The following HPSE2 variants were observed in gnomAD, a reference collection of about 807,000 sequenced individuals.
HPSE2 encodes heparanase 2 (inactive).
In HPSE2, 38 loss-of-function variants were observed where a neutral mutation model predicts 60.5. The ratio of observed to expected loss-of-function variants is 0.63; its 90% CI spans 0.48 to 0.82. The LOEUF (loss-of-function observed/expected upper bound fraction) is 0.82, where lower values mean the gene tolerates loss of function less well. Ranked by LOEUF, HPSE2 falls within the 40% of genes least tolerant of loss-of-function variation. The pLI, the probability that HPSE2 is intolerant of heterozygous loss-of-function variation, is 0.00. For synonymous variants in HPSE2, 295 were observed against 293.2 expected (o/e 1.01, Z -0.06); for missense variants, 713 against 740.4 (o/e 0.96, Z 0.43).
chr10:99,075,745 C>A (rs1842932899), intron 3 of HPSE2, among the ~76,000 whole-genome samples: 1 of 152,044 alleles, frequency 6.6e-6, no homozygotes, highest in Non-Finnish European at 1.5e-5. Context: ...CTTATATCTT[C>A]TTGGTGAATT....
chr10:99,074,577 C>T (rs1400505490), intron 3 of HPSE2, among the ~76,000 whole-genome samples: 3 of 152,034 alleles, frequency 2.0e-5, no homozygotes, highest in Non-Finnish European at 4.4e-5. Flanking sequence ...CATAAATGGA[C>T]TTGGAAGTGT....
intron 3 of HPSE2, among the ~76,000 whole-genome samples, chr10:99,085,819 T>C (rs554589663): frequency 6.6e-6 from 1 of 152,326 alleles, no homozygotes; most frequent in African/African-American, 2.4e-5. Context: ...TCAACTATTT[T>C]ATCTCCACTA....
chr10:98,527,460 C>T (rs1052950625), intron 9 of HPSE2, among the ~76,000 whole-genome samples: 3 of 151,774 alleles, frequency 2.0e-5, no homozygotes, highest in African/African-American at 4.8e-5. Context: ...CCCTCTGGAC[C>T]CTCTCCCTTC....
At chr10:98,595,907 T>C (rs1293118301) in intron 9 of HPSE2, among the ~76,000 whole-genome samples, 2 of 152,348 alleles carry the variant, frequency 1.3e-5, no homozygotes, top group Middle Eastern at 3.4e-3. Context: ...GTTTTCATCA[T>C]GAAACAATGT....
At chr10:98,566,830 T>TACTTCCA (rs909094762) in intron 9 of HPSE2, among the ~76,000 whole-genome samples, 74 of 152,226 alleles carry the variant, frequency 4.9e-4, no homozygotes, top group African/African-American at 1.7e-3. Flanking sequence ...GTGACTTAGT[T>TACTTCCA]CCTGTCACTC....
intron 3 of HPSE2, among the ~76,000 whole-genome samples, chr10:98,918,066 G>A (rs1458925524): frequency 6.6e-6 from 1 of 152,140 alleles, no homozygotes; most frequent in African/African-American, 2.4e-5. Flanking sequence ...AAAATGTGTT[G>A]ACCCAGTAGT....
rs563011310 is a variant in HPSE2, at chr10:98,946,686, C to T, written c.610+197552G>A. On this transcript the variant is annotated intron_variant, in intron 3 of 11. Coordinates refer to ENST00000370552, the MANE Select transcript of HPSE2 (RefSeq NM_021828.5). Reference sequence around the variant, plus strand: ...TTGTTAAAAAAAGTATGCACACAAACACTTATAAACTATAAATGGCACCAT... The same window carrying T: ...TTGTTAAAAAAAGTATGCACACAAATACTTATAAACTATAAATGGCACCAT... Among the ~76,000 whole-genome samples, 110 of 152,058 alleles carry T rather than the reference C, an allele frequency of 7.2e-4. 2 individuals carry two copies. The highest frequency in any genetic ancestry group is 1.5e-3 in the South Asian group (7 of 4,806).
In HPSE2 at chr10:98,731,155, G is replaced by A. The variant is rs191929894; in HGVS notation, c.785-9327C>T. Reference sequence around the variant, plus strand: ...CAAAAATTAGCCAGGCATTAGAGGTGCACACCTGTAATCCCAGCTACTCAG... The same window carrying A: ...CAAAAATTAGCCAGGCATTAGAGGTACACACCTGTAATCCCAGCTACTCAG... On this transcript the variant is annotated intron_variant, in intron 4 of 11. Coordinates refer to ENST00000370552, the MANE Select transcript of HPSE2 (RefSeq NM_021828.5). Among the ~76,000 whole-genome samples the A allele has an allele frequency of 2.6e-3, 403 of 152,156 alleles. 1 individual carries two copies. The highest frequency in any genetic ancestry group is 8.0e-3 in the African/African-American group (331 of 41,534).
chr10:99,104,972 T>A (rs1844179576), intron 3 of HPSE2, among the ~76,000 whole-genome samples: 1 of 151,452 alleles, frequency 6.6e-6, no homozygotes, highest in South Asian at 2.1e-4. Flanking sequence ...AATGACGAGT[T>A]AATGGGTGCA....
the HPSE2 span, among the ~76,000 whole-genome samples, chr10:99,261,837 A>G: frequency 6.6e-6 from 1 of 152,122 alleles, no homozygotes; most frequent in African/African-American, 2.4e-5. Flanking sequence ...GCATTCCTTC[A>G]GGACCTCCTC....
intron 3 of HPSE2, among the ~76,000 whole-genome samples, chr10:98,816,877 T>C (rs1565184560): frequency 6.6e-6 from 1 of 152,140 alleles, no homozygotes; most frequent in African/African-American, 2.4e-5. Flanking sequence ...TTTTTTTTTA[T>C]TTTTATTTTA....
At chr10:98,702,146 G>C (rs934030683) in intron 5 of HPSE2, among the ~76,000 whole-genome samples, 1 of 152,004 alleles carries the variant, frequency 6.6e-6, no homozygotes, top group African/African-American at 2.4e-5. Context: ...CACACAAAAA[G>C]CAGGGGTTGC....
chr10:98,520,267 G>A (rs76045163), intron 9 of HPSE2, among the ~76,000 whole-genome samples: 1,948 of 152,268 alleles, frequency 0.013, 38 homozygotes, highest in African/African-American at 0.042. Flanking sequence ...TATGCTTGAG[G>A]AAATTCTAAG....
At chr10:99,288,587 G>A in the HPSE2 span, among the ~76,000 whole-genome samples, 1 of 151,712 alleles carries the variant, frequency 6.6e-6, no homozygotes, top group East Asian at 1.9e-4. Flanking sequence ...AAATACATGG[G>A]ATCCAGGAAC....
intron 3 of HPSE2, among the ~76,000 whole-genome samples, chr10:99,132,120 A>AAAAG (rs1254290195): frequency 6.3e-5 from 9 of 143,312 alleles, no homozygotes; most frequent in East Asian, 6.2e-4. Flanking sequence ...CTTAAAAAAG[A>AAAAG]AAAGAAAGAA....
chr10:98,882,026 A>G (rs1048398303), intron 3 of HPSE2, among the ~76,000 whole-genome samples: 5 of 152,032 alleles, frequency 3.3e-5, no homozygotes, highest in South Asian at 2.1e-4. Context: ...TTCTGTGACC[A>G]ATGGTAAGCT....
chr10:98,633,906 C>T (rs1158618155), intron 7 of HPSE2, among the ~76,000 whole-genome samples: 1 of 152,166 alleles, frequency 6.6e-6, no homozygotes, highest in Admixed American at 6.5e-5. Context: ...AGATTGCTTA[C>T]ATTCTTCATC....
chr10:98,920,827 G>C (rs1954261428), intron 3 of HPSE2, among the ~76,000 whole-genome samples: 1 of 152,150 alleles, frequency 6.6e-6, no homozygotes. Flanking sequence ...TGAGCTCCAG[G>C]GGCACAAGCA....
At chr10:98,698,404 G>A (rs1289731706) in intron 5 of HPSE2, among the ~76,000 whole-genome samples, 15 of 151,174 alleles carry the variant, frequency 9.9e-5, no homozygotes, top group Non-Finnish European at 1.5e-4. Context: ...GGTACATAAC[G>A]AAATGAAGGC....
Sources: gnomAD v4.1 joint callset for allele counts (sites outside exome capture counted in the v4.1 genomes callset) on GRCh38, gnomAD v4.1.1 for gene constraint, MANE v1.5 for transcripts, NCBI Gene and HGNC (gene_info 2026-07-23, HGNC 2026-07-21) for gene names.